HIF3A: variants seen among roughly 807,000 people sequenced by gnomAD.
HIF3A encodes hypoxia inducible factor 3 subunit alpha.
Under a neutral mutation model 67.2 loss-of-function variants are expected in HIF3A, and 41 were observed. The ratio of observed to expected loss-of-function variants is 0.61; its 90% CI spans 0.48 to 0.79. HIF3A has a LOEUF of 0.79. Ranked by LOEUF, HIF3A falls within the 30% of genes least tolerant of loss-of-function variation. The probability of loss-of-function intolerance (pLI) is 0.00; values close to 1 mark genes in which losing one functional copy is unlikely to be tolerated. For missense variants in HIF3A, 855 were observed against 898.0 expected (o/e 0.95, Z 0.61); for synonymous variants, 356 against 374.8 (o/e 0.95, Z 0.58).
intron 8 of HIF3A, among the ~76,000 whole-genome samples, chr19:46,317,326 A>G (rs1969998423): frequency 6.6e-6 from 1 of 152,198 alleles, no homozygotes; most frequent in African/African-American, 2.4e-5. Context: ...AAGTGCTGGG[A>G]TTGCAGATGT....
intron 12 of HIF3A, among the ~76,000 whole-genome samples, chr19:46,329,963 A>G (rs1291295960): frequency 6.7e-6 from 1 of 149,168 alleles, no homozygotes; most frequent in Non-Finnish European, 1.5e-5. Flanking sequence ...TGTCAAGAAA[A>G]AAAAAAAAAA....
At chr19:46,336,414 T>G (rs1405497450) in intron 14 of HIF3A, among the ~76,000 whole-genome samples, 1 of 152,004 alleles carries the variant, frequency 6.6e-6, no homozygotes, top group Admixed American at 6.6e-5. Flanking sequence ...TCACTCAGGC[T>G]GGAGTGCAGT....
intron 8 of HIF3A, among the ~76,000 whole-genome samples, chr19:46,314,820 A>G (rs1366893515): frequency 4.1e-5 from 6 of 146,318 alleles, no homozygotes; most frequent in Non-Finnish European, 7.5e-5. Flanking sequence ...CAGCCTCCCA[A>G]AGTGCTGGGA....
intron 6 of HIF3A, chr19:46,310,483 T>C (rs1445991855): frequency 2.8e-6 from 1 of 360,032 alleles, no homozygotes; most frequent in African/African-American, 2.1e-5. Context: ...TCCCCCTCTC[T>C]TCCTTCTGTC....
rs548593707 is a variant in HIF3A, at chr19:46,313,722, C to G, written c.1025+1069C>G. On this transcript the variant is annotated intron_variant, in intron 8 of 14. Transcript: ENST00000377670. ...CCCTCGTCACTCAGGCTGGATTGCACTGGCACGATCTCGGCTCACTTCAAC... is the reference window on the plus strand; with the variant it reads ...CCCTCGTCACTCAGGCTGGATTGCAGTGGCACGATCTCGGCTCACTTCAAC... Among the ~76,000 whole-genome samples, 7 of 149,268 alleles carry G rather than the reference C, an allele frequency of 4.7e-5. No individual in the cohort carries two copies. The South Asian group carries it at 1.5e-3, about 32-fold the overall frequency.
chr19:46,314,931 C>T lies in HIF3A; in HGVS notation c.1025+2278C>T, dbSNP rs535496830. 7.5e-5 allele frequency among the ~76,000 whole-genome samples: 11 copies of T among 147,162 alleles called. 3 individuals carry two copies. In the South Asian group the frequency reaches 2.4e-3, roughly 33 times the overall value. ...CCCACACTCCCATGTCCCTGGCAAC[C>T]ACTGTCCTCAGACCCCAGAGTTTTG... On this transcript the variant is annotated intron_variant, in intron 8 of 14. Transcript: ENST00000377670.
At chr19:46,313,664 A>AT (rs34143893) in intron 8 of HIF3A, among the ~76,000 whole-genome samples, 14,895 of 130,582 alleles carry the variant, frequency 0.11, 1,228 homozygotes, top group Middle Eastern at 0.19. Context: ...AATTACCACG[A>AT]TTTTTTTTTT....
intron 14 of HIF3A, among the ~76,000 whole-genome samples, chr19:46,337,937 C>T (rs998425989): frequency 6.6e-6 from 1 of 152,194 alleles, no homozygotes; most frequent in African/African-American, 2.4e-5. Flanking sequence ...TGGGTCCCTG[C>T]TGTTCTCTTC....
In HIF3A at chr19:46,331,241, C is replaced by T. The variant is rs1971191297; in HGVS notation, c.1798C>T (p.His600Tyr). 1 of 1,614,016 alleles carries T rather than the reference C, an allele frequency of 6.2e-7. No individual in the cohort carries two copies. Among genetic ancestry groups the T allele is most frequent in the Non-Finnish European group, 8.5e-7 (1 of 1,179,922 alleles). Residue 600 changes from histidine (H) to tyrosine (Y), a missense_variant, in exon 13 of 15, where the codon CAC becomes TAC. Physicochemically the swap from His to Tyr is moderately conservative, Grantham distance 83. This residue lies in a region of HIF3A where 199 missense variants were observed against 193.8 expected (regional missense o/e 1.03). Transcript: ENST00000377670. The stretch of plus-strand genomic sequence containing the variant: ...TCCCAAAAGGTCCCCCAGCCCAGAA[C>T]ACGAAAACTTTCTGCTCTTTCCTCT... ...RPPKRSPSPE[H>Y]ENFLLFPLSL... is the part of the protein sequence containing the mutation.
intron 14 of HIF3A, among the ~76,000 whole-genome samples, chr19:46,336,545 G>T (rs1463540893): frequency 3.9e-5 from 6 of 152,102 alleles, no homozygotes; most frequent in Admixed American, 1.3e-4. Context: ...GTGTGTTTGT[G>T]TGCGTGTGTG....
intron 10 of HIF3A, among the ~76,000 whole-genome samples, chr19:46,324,945 T>C (rs1462981940): frequency 1.2e-4 from 16 of 130,330 alleles, no homozygotes; most frequent in African/African-American, 3.9e-4. Flanking sequence ...TATATATACA[T>C]ATATATATAT....
chr19:46,328,448 T>C (rs1281563267), intron 11 of HIF3A, among the ~76,000 whole-genome samples: 1 of 152,222 alleles, frequency 6.6e-6, no homozygotes, highest in Non-Finnish European at 1.5e-5. Context: ...TTTTTATCTC[T>C]CTCTCTTCTT....
chr19:46,312,493 TC>T lies in HIF3A; in HGVS notation c.878-8del, dbSNP rs1969529852. The T allele has an allele frequency of 6.2e-7, 1 of 1,613,210 alleles. No homozygotes were observed. Among genetic ancestry groups the T allele is most frequent in the African/African-American group, 1.3e-5 (1 of 74,742 alleles). On this transcript the variant is annotated splice_polypyrimidine_tract_variant and intron_variant, in intron 7 of 14. Transcript: ENST00000377670. The stretch of plus-strand genomic sequence containing the variant: ...CCTTGGTGGCCCTGATCCCTCCCGA[TC>T]CCCCTCCTCAGTGCTGAGCAAGGGC...
chr19:46,335,000 T>G lies in HIF3A; in HGVS notation c.1912+14T>G. ...ATGAGCCCCTGGGTGAGTAGCAACC[T>G]GGGTATCCAGAGCCCCAGAGCACCT... On this transcript the variant is annotated intron_variant, in intron 14 of 14. Coordinates refer to ENST00000377670, the MANE Select transcript of HIF3A (RefSeq NM_152795.4). 6.3e-7 allele frequency: 1 copy of G among 1,596,374 alleles called. No homozygotes were observed. The highest frequency in any genetic ancestry group is 8.6e-7 in the Non-Finnish European group (1 of 1,169,520).
chr19:46,321,620 G>C (rs892547964), intron 9 of HIF3A, among the ~76,000 whole-genome samples, 156 bp from the exon 10 acceptor site: 1 of 152,044 alleles, frequency 6.6e-6, no homozygotes, highest in Non-Finnish European at 1.5e-5. Flanking sequence ...GCCCAGCAGG[G>C]GTCCTCCAGG....
chr19:46,334,084 C>T (rs562377664), intron 13 of HIF3A, among the ~76,000 whole-genome samples: 43 of 144,334 alleles, frequency 3.0e-4, no homozygotes, highest in Non-Finnish European at 5.6e-4. Flanking sequence ...TGAGCCACCG[C>T]GCCCGGCCTC....
chr19:46,312,434 C>A (rs1440377628), intron 7 of HIF3A, 72 bp from the exon 8 acceptor site: 11 of 1,599,186 alleles, frequency 6.9e-6, no homozygotes, highest in Admixed American at 1.7e-5. Context: ...CCCCCTCATA[C>A]CCAGTCCCCA....
chr19:46,323,654 A>G (rs1478154972), intron 10 of HIF3A, among the ~76,000 whole-genome samples: 1 of 152,166 alleles, frequency 6.6e-6, no homozygotes, highest in African/African-American at 2.4e-5. Context: ...CGCTGCTGCT[A>G]AAGACATACC....
At chr19:46,312,998 C>T (rs1969598861) in intron 8 of HIF3A, 1 of 992,780 alleles carries the variant, frequency 1.0e-6, no homozygotes, top group African/African-American at 1.8e-5. Flanking sequence ...GCCTGTAATC[C>T]TAGCACTTTG....
Sources: allele counts gnomAD v4.1 joint callset (sites outside exome capture counted in the v4.1 genomes callset), GRCh38; gene constraint gnomAD v4.1.1; regional missense constraint gnomAD v4.1.1; transcripts MANE v1.5; gene names NCBI Gene and HGNC (gene_info 2026-07-23, HGNC 2026-07-21).